The following NFKBIZ variants were observed in gnomAD, a reference collection of about 807,000 sequenced individuals.
The protein encoded by NFKBIZ is NF-kappa-B inhibitor zeta.
Under a neutral mutation model 76.8 loss-of-function variants are expected in NFKBIZ, and 19 were observed. That is an observed-to-expected ratio of 0.25 (90% CI 0.17 to 0.36). The LOEUF (loss-of-function observed/expected upper bound fraction) is 0.36, where lower values mean the gene tolerates loss of function less well. Ranked by LOEUF, NFKBIZ falls within the 10% of genes least tolerant of loss-of-function variation. NFKBIZ has a pLI of 1.00. For missense variants in NFKBIZ, 829 were observed against 910.9 expected (o/e 0.91, Z 1.16); for synonymous variants, 368 against 354.8 (o/e 1.04, Z -0.42).
At chr3:101,840,130 A>C (rs755116145) in intron 2 of NFKBIZ, among the ~76,000 whole-genome samples, 2 of 152,202 alleles carry the variant, frequency 1.3e-5, no homozygotes, top group Non-Finnish European at 2.9e-5. Flanking sequence ...GTATTCCCAC[A>C]TTCAGTGTTT....
chr3:101,829,156 C>T (rs1369873004), intron 1 of NFKBIZ, among the ~76,000 whole-genome samples: 1 of 152,184 alleles, frequency 6.6e-6, no homozygotes, highest in African/African-American at 2.4e-5. Context: ...TGGTCCACCA[C>T]CCCTCTCCAC....
chr3:101,833,357 C>T (rs898373484), intron 2 of NFKBIZ, among the ~76,000 whole-genome samples: 1 of 152,170 alleles, frequency 6.6e-6, no homozygotes, highest in African/African-American at 2.4e-5. Context: ...TTCTCCTCCC[C>T]TTCCACACCC....
At chr3:101,843,455 C>T (rs1435951467) in intron 2 of NFKBIZ, among the ~76,000 whole-genome samples, 2 of 152,066 alleles carry the variant, frequency 1.3e-5, no homozygotes, top group East Asian at 1.9e-4. Context: ...AAAAAAGAAA[C>T]ATGTGTCACA....
rs777772259 is a variant in NFKBIZ at position 101,853,276 on chromosome 3, C to A, written c.750C>A (p.Pro250=). 1.2e-6 allele frequency: 2 copies of A among 1,614,024 alleles called. No individual in the cohort carries two copies. The highest frequency in any genetic ancestry group is 1.7e-6 in the Non-Finnish European group (2 of 1,180,036). Reference sequence around the variant, plus strand: ...CCGTGGTGGTCCCTCAGAGCTCCCCCGCAGAGCAGTGTCAGGACTTCCATG... The same window carrying A: ...CCGTGGTGGTCCCTCAGAGCTCCCCAGCAGAGCAGTGTCAGGACTTCCATG... ...LNPVVVPQSS[P]AEQCQDFHGG... The change falls in exon 5 of 12, where the codon CCC becomes CCA. Residue 250 remains proline (P), a synonymous_variant. Transcript: ENST00000326172.
intron 2 of NFKBIZ, among the ~76,000 whole-genome samples, chr3:101,835,677 C>T (rs1305609825): frequency 1.3e-5 from 2 of 152,172 alleles, no homozygotes; most frequent in African/African-American, 4.8e-5. Flanking sequence ...ACCCCGACAG[C>T]CCATTTTTAA....
At chr3:101,835,166 T>A (rs547808402) in intron 2 of NFKBIZ, among the ~76,000 whole-genome samples, 2 of 152,192 alleles carry the variant, frequency 1.3e-5, no homozygotes, top group Non-Finnish European at 2.9e-5. Flanking sequence ...ATTTTATGGA[T>A]GAGAAAAGAG....
Position 101,844,109 on chromosome 3 carries a change from G to A in NFKBIZ, c.-11-7976G>A, listed in dbSNP as rs1354181602. On this transcript the variant is annotated intron_variant, in intron 2 of 12. Transcript: ENST00000394054. Reference sequence around the variant, plus strand: ...AGTTTGTCAGTCAAGTATAATTGGTGTTCCATGAAAAACAGAGGGCAGTTC... The same window carrying A: ...AGTTTGTCAGTCAAGTATAATTGGTATTCCATGAAAAACAGAGGGCAGTTC... Among the ~76,000 whole-genome samples the A allele has an allele frequency of 3.3e-5, 5 of 152,164 alleles. No individual in the cohort carries two copies. The East Asian group carries it at 7.7e-4, about 23-fold the overall frequency.
intron 2 of NFKBIZ, among the ~76,000 whole-genome samples, chr3:101,840,124 T>TCATA (rs1942769655): frequency 6.6e-6 from 1 of 152,168 alleles, no homozygotes; most frequent in South Asian, 2.1e-4. Context: ...TTGACAGTAT[T>TCATA]CCCACATTCA....
At chr3:101,858,284 T>C (rs1228120790) in intron 11 of NFKBIZ, 14 of 968,484 alleles carry the variant, frequency 1.4e-5, no homozygotes, top group African/African-American at 3.5e-5. Context: ...TATAGAGCTC[T>C]TTGTAATTTA....
intron 2 of NFKBIZ, among the ~76,000 whole-genome samples, chr3:101,837,641 A>G (rs1344081970): frequency 1.3e-5 from 2 of 152,242 alleles, no homozygotes; most frequent in African/African-American, 4.8e-5. Context: ...GTTAAACTGA[A>G]CAGAGAACAT....
chr3:101,830,795 A>G (rs943088826), intron 2 of NFKBIZ, among the ~76,000 whole-genome samples: 8 of 152,160 alleles, frequency 5.3e-5, no homozygotes, highest in African/African-American at 1.9e-4. Flanking sequence ...ATACAGGTGC[A>G]TGTGTCTTTT....
chr3:101,834,299 C>T (rs1942685512), intron 2 of NFKBIZ, among the ~76,000 whole-genome samples: 1 of 151,810 alleles, frequency 6.6e-6, no homozygotes, highest in African/African-American at 2.4e-5. Flanking sequence ...CCTGCCCTGC[C>T]CTTCCCTTAC....
intron 2 of NFKBIZ, 66 bp from the exon 3 acceptor site, chr3:101,852,672 C>T (rs752623084): frequency 2.8e-6 from 3 of 1,089,408 alleles, no homozygotes; most frequent in Non-Finnish European, 1.4e-6. Flanking sequence ...GATAAGCCTA[C>T]TTACTGATGT....
At chr3:101,845,493 G>A (rs1261835023), upstream of NFKBIZ, among the ~76,000 whole-genome samples, 4 of 151,818 alleles carry the variant, frequency 2.6e-5, no homozygotes, top group African/African-American at 9.7e-5. Flanking sequence ...TAGAGATGGG[G>A]TCTCATTATA....
chr3:101,852,381 G>C (rs1942977791), intron 2 of NFKBIZ, among the ~76,000 whole-genome samples, 157 bp downstream of exon 2: 1 of 152,234 alleles, frequency 6.6e-6, no homozygotes, highest in African/African-American at 2.4e-5. Context: ...TGTCTGGTCT[G>C]TTGTATCCTC....
rs991257804 is a variant in NFKBIZ, at chr3:101,856,982, C to CA, written c.1825-90dup. 30 of 888,592 alleles carry CA rather than the reference C, an allele frequency of 3.4e-5. No individual in the cohort carries two copies. In the African/African-American group the frequency reaches 4.7e-4, roughly 14 times the overall value. 55.0% of individuals were successfully genotyped at this position (888,592 alleles called of 1,614,324 possible). A position where few individuals can be genotyped will look rare whatever the true frequency, so the allele number is the denominator to read the frequency against. Reference sequence around the variant, plus strand: ...TCAAAGTGAGTCTCTGAAGCTGAATCAGACATTCAGGAGACTGGGTGAAAA... The same window carrying CA: ...TCAAAGTGAGTCTCTGAAGCTGAATCAAGACATTCAGGAGACTGGGTGAAAA... On this transcript the variant is annotated intron_variant, in intron 9 of 11. Transcript: ENST00000326172.
chr3:101,840,350 T>C (rs748432936), intron 2 of NFKBIZ, among the ~76,000 whole-genome samples: 17 of 152,154 alleles, frequency 1.1e-4, no homozygotes, highest in Non-Finnish European at 1.6e-4. Flanking sequence ...CTAAGAACCA[T>C]TTACAGGGTG....
At chr3:101,834,441 A>G (rs1470533222) in intron 2 of NFKBIZ, among the ~76,000 whole-genome samples, 10 of 151,570 alleles carry the variant, frequency 6.6e-5, no homozygotes, top group Middle Eastern at 3.2e-3. Flanking sequence ...GCTCACTACA[A>G]TCTCTGCCTC....
upstream of NFKBIZ, among the ~76,000 whole-genome samples, chr3:101,845,394 A>C (rs1942836927): frequency 6.6e-6 from 1 of 151,404 alleles, no homozygotes; most frequent in African/African-American, 2.4e-5. Flanking sequence ...CTTGGGCTCA[A>C]GTGATCCTCC....
Sources: gnomAD v4.1 joint callset for allele counts (sites outside exome capture counted in the v4.1 genomes callset) on GRCh38, gnomAD v4.1.1 for gene constraint, MANE v1.5 for transcripts, NCBI Gene and HGNC (gene_info 2026-07-23, HGNC 2026-07-21) for gene names.